The following GAD2 variants were observed in gnomAD, a reference collection of about 807,000 sequenced individuals.
GAD2 encodes the protein glutamate decarboxylase 2.
GAD2 carries 22 observed loss-of-function variants against 80.1 expected under a neutral mutation model. The observed-to-expected ratio is 0.27, with a 90% confidence interval of 0.20 to 0.39. The LOEUF is 0.39. Among genes scored for constraint, GAD2 ranks in the 10% least tolerant of loss-of-function variants. GAD2 has a pLI of 1.00. For missense variants in GAD2, 624 were observed against 738.4 expected (o/e 0.85, Z 1.80); for synonymous variants, 274 against 256.9 (o/e 1.07, Z -0.64).
chr10:26,279,650 T>C (rs1286986830), intron 11 of GAD2, among the ~76,000 whole-genome samples: 1 of 152,172 alleles, frequency 6.6e-6, no homozygotes, highest in South Asian at 2.1e-4. Context: ...AAATAATAAT[T>C]ATTATTAAAG....
chr10:26,297,203 A>G (rs912889480), intron 15 of GAD2, among the ~76,000 whole-genome samples: 16 of 152,206 alleles, frequency 1.1e-4, no homozygotes, highest in Non-Finnish European at 1.9e-4. Flanking sequence ...CTGGGATTAC[A>G]GGCATGAGCC....
chr10:26,221,867 C>A (rs1844456478), intron 4 of GAD2, among the ~76,000 whole-genome samples: 1 of 152,192 alleles, frequency 6.6e-6, no homozygotes, highest in African/African-American at 2.4e-5. Context: ...GCGACAGCAG[C>A]AGGAGGCCAA....
intron 12 of GAD2, among the ~76,000 whole-genome samples, chr10:26,281,466 C>G (rs1414609630): frequency 6.6e-6 from 1 of 151,940 alleles, no homozygotes; most frequent in African/African-American, 2.4e-5. Context: ...AACAAATATA[C>G]ATGATATAGG....
intron 13 of GAD2, among the ~76,000 whole-genome samples, chr10:26,286,933 G>C (rs1278201665): frequency 6.6e-6 from 1 of 152,064 alleles, no homozygotes; most frequent in East Asian, 1.9e-4. Context: ...CATTTCAAGG[G>C]ATAACCTCTA....
At chr10:26,266,025 A>C (rs994776010) in intron 8 of GAD2, among the ~76,000 whole-genome samples, 3 of 152,220 alleles carry the variant, frequency 2.0e-5, no homozygotes, top group African/African-American at 7.2e-5. Flanking sequence ...CCCAGGCTAA[A>C]ATGTCCCAAG....
intron 13 of GAD2, among the ~76,000 whole-genome samples, chr10:26,289,037 G>A (rs543390653): frequency 7.2e-5 from 11 of 152,068 alleles, no homozygotes; most frequent in East Asian, 3.9e-4. Context: ...ACATCTAGCC[G>A]CAAAAACTTC....
rs774998726 is a variant in GAD2, at chr10:26,300,791, G to C, written c.1588G>C (p.Ala530Pro). The change falls in exon 16 of 16, where the codon GCT becomes CCT. Residue 530 changes from alanine (A) to proline (P), a missense_variant. Physicochemically the swap from Ala to Pro is conservative, Grantham distance 27. Coordinates refer to ENST00000376261, the MANE Select transcript of GAD2 (RefSeq NM_001134366.2). ...EERMSRLSKV[A>P]PVIKARMMEY... ...GCTGATATGGTCTGTCCCACAGGTG[G>C]CTCCAGTGATTAAAGCCAGAATGAT... The C allele has an allele frequency of 6.2e-7, 1 of 1,613,482 alleles. No homozygotes were observed. Among genetic ancestry groups the C allele is most frequent in the Non-Finnish European group, 8.5e-7 (1 of 1,179,538 alleles).
At chr10:26,242,621 T>G (rs938486280) in intron 7 of GAD2, among the ~76,000 whole-genome samples, 2 of 152,200 alleles carry the variant, frequency 1.3e-5, no homozygotes, top group African/African-American at 4.8e-5. Context: ...CCTCAAAATA[T>G]AAACAGACTC....
chr10:26,281,298 A>G (rs1488545704), intron 12 of GAD2, among the ~76,000 whole-genome samples: 2 of 152,170 alleles, frequency 1.3e-5, no homozygotes, highest in Admixed American at 6.5e-5. Flanking sequence ...ATTTCAGAAC[A>G]TAAACTTTGA....
At chr10:26,295,668 T>G (rs1834266551) in intron 15 of GAD2, among the ~76,000 whole-genome samples, 1 of 152,072 alleles carries the variant, frequency 6.6e-6, no homozygotes, top group African/African-American at 2.4e-5. Context: ...AACCAAAAAT[T>G]TGGTTCTTCA....
At chr10:26,252,442 AAG>A (rs1286687935) in intron 8 of GAD2, among the ~76,000 whole-genome samples, 2 of 152,154 alleles carry the variant, frequency 1.3e-5, no homozygotes, top group East Asian at 3.9e-4. Flanking sequence ...TCCCAGGTTC[AAG>A]AGAGTCTCCT....
At chr10:26,231,727 ATTCTTCCTCGAG>A (rs1205612261) in intron 7 of GAD2, among the ~76,000 whole-genome samples, 3 of 152,202 alleles carry the variant, frequency 2.0e-5, no homozygotes, top group African/African-American at 7.2e-5. Flanking sequence ...GCAGGGCTGC[ATTCTTCCTCGAG>A]GCTCTCTGGA....
chr10:26,282,666 T>C (rs1190408176), intron 12 of GAD2, among the ~76,000 whole-genome samples: 1 of 152,240 alleles, frequency 6.6e-6, no homozygotes, highest in Non-Finnish European at 1.5e-5. Flanking sequence ...GATAGAATCC[T>C]TAAACATATA....
At chr10:26,260,173 A>G (rs937499875) in intron 8 of GAD2, among the ~76,000 whole-genome samples, 2 of 152,232 alleles carry the variant, frequency 1.3e-5, no homozygotes, top group African/African-American at 4.8e-5. Context: ...AAATTCTTCA[A>G]TACAATTCTC....
rs1247325298 is a variant in GAD2, at chr10:26,217,470, G to T, written c.77-140G>T. ...GCCTTCTGCACCTGCCGGCCTCACC[G>T]AGTCCTGAGCGGCCCCCAGGAGGAA... is the stretch of plus-strand genomic sequence containing the variant. On this transcript the variant is annotated intron_variant, in intron 1 of 15. Coordinates refer to ENST00000376261, the MANE Select transcript of GAD2 (RefSeq NM_001134366.2). The surrounding 1 kb of genome is among the most constrained non-coding windows in gnomAD (Gnocchi z 4.9). 2.4e-6 allele frequency: 2 copies of T among 835,004 alleles called. No homozygotes were observed. The highest frequency in any genetic ancestry group is 3.9e-6 in the Non-Finnish European group (2 of 508,722). The allele number at this position is 835,004 out of a possible 1,614,324, so 51.7% of individuals were successfully genotyped here.
At chr10:26,229,874 T>C in intron 7 of GAD2, 97 bp downstream of exon 7, 2 of 850,188 alleles carry the variant, frequency 2.4e-6, no homozygotes, top group Non-Finnish European at 3.8e-6. Context: ...AGAGGCCCTC[T>C]TTCTGGAAGA....
In GAD2 at chr10:26,292,952, T is replaced by C; in HGVS notation, c.1545T>C (p.Thr515=). Residue 515 remains threonine, a synonymous_variant, in exon 15 of 16, where the codon ACT becomes ACC. Transcript: ENST00000376261. ...CFWYIPPSLR[T]LEDNEERMSR... Reference sequence around the variant, plus strand: ...GGTACATTCCTCCAAGCTTGCGTACTCTGGAAGACAATGAAGAGAGAATGA... The same window carrying C: ...GGTACATTCCTCCAAGCTTGCGTACCCTGGAAGACAATGAAGAGAGAATGA... The C allele has an allele frequency of 6.2e-7, 1 of 1,613,980 alleles. No individual in the cohort carries two copies. The highest frequency in any genetic ancestry group is 8.5e-7 in the Non-Finnish European group (1 of 1,179,912).
chr10:26,286,612 T>C (rs1845336427), intron 13 of GAD2, 118 bp downstream of exon 13: 2 of 1,078,806 alleles, frequency 1.9e-6, no homozygotes, highest in African/African-American at 1.6e-5. Flanking sequence ...CAAGATTTGC[T>C]TTCTTTAAAC....
chr10:26,233,366 ACT>A (rs1246792201), intron 7 of GAD2, among the ~76,000 whole-genome samples: 3 of 151,748 alleles, frequency 2.0e-5, no homozygotes, highest in East Asian at 3.9e-4. Flanking sequence ...CTAATTTGTG[ACT>A]CTCTCTTTCT....
Sources: gnomAD v4.1 joint callset for allele counts (sites outside exome capture counted in the v4.1 genomes callset) on GRCh38, gnomAD v4.1.1 for gene constraint, Gnocchi (gnomAD v3.1) non-coding constraint, MANE v1.5 for transcripts, NCBI Gene and HGNC (gene_info 2026-07-23, HGNC 2026-07-21) for gene names.